The following DACH1 variants were observed in gnomAD, a reference collection of about 807,000 sequenced individuals.
DACH1 encodes the protein dachshund homolog 1.
Under a neutral mutation model 54.2 loss-of-function variants are expected in DACH1, and 12 were observed. The observed-to-expected ratio is 0.22, with a 90% CI of 0.14 to 0.36. The LOEUF (loss-of-function observed/expected upper bound fraction) is 0.36, where lower values mean the gene tolerates loss of function less well. Ranked by LOEUF, DACH1 falls within the 10% of genes least tolerant of loss-of-function variation. The pLI, the probability that DACH1 is intolerant of heterozygous loss-of-function variation, is 1.00. For missense variants in DACH1, 805 were observed against 929.8 expected (o/e 0.87, Z 1.75); for synonymous variants, 386 against 366.2 (o/e 1.05, Z -0.62).
Position 71,748,506 on chromosome 13 carries a change from T to C in DACH1, c.849-66596A>G, listed in dbSNP as rs576830231. Among the ~76,000 whole-genome samples, 22 of 152,310 alleles carry C rather than the reference T, an allele frequency of 1.4e-4. No homozygotes were observed. In the East Asian group the frequency reaches 4.3e-3, roughly 29 times the overall value. On this transcript the variant is annotated intron_variant, in intron 1 of 10. Transcript: ENST00000613252. ...GTCTGCTTGCTTCGCTAGAATGATA[T>C]TCCTGTTGCTTATTTTCCATCATCC...
At chr13:71,602,345 G>T (rs1009397726) in intron 3 of DACH1, among the ~76,000 whole-genome samples, 6 of 151,996 alleles carry the variant, frequency 3.9e-5, no homozygotes, top group African/African-American at 1.4e-4. Flanking sequence ...AAATCTGTGT[G>T]TGTTTTCTTT....
At chr13:71,731,946 G>A (rs1232442083) in intron 1 of DACH1, among the ~76,000 whole-genome samples, 1 of 152,192 alleles carries the variant, frequency 6.6e-6, no homozygotes, top group Non-Finnish European at 1.5e-5. Context: ...TTGAGCTTGA[G>A]AGTAGTCAAC....
At position 71,440,574 on chromosome 13, in the gene DACH1, A is replaced by G. The variant is rs1873926818; in HGVS notation, c.*81T>C. On this transcript the variant is annotated 3_prime_UTR_variant, in exon 11 of 11. Transcript: ENST00000613252. ...CAGGAAGTTCCCTTAAAAGGACTTT[A>G]TTTTTTTCTGAACTTTCCCATGACG... The G allele has an allele frequency of 8.7e-7, 1 of 1,152,764 alleles. No homozygotes were observed. Among genetic ancestry groups the G allele is most frequent in the African/African-American group, 1.6e-5 (1 of 62,322 alleles). 71.4% of individuals were successfully genotyped at this position (1,152,764 alleles called of 1,614,324 possible).
intron 1 of DACH1, among the ~76,000 whole-genome samples, chr13:71,764,207 T>C (rs1221965970): frequency 6.6e-6 from 1 of 152,114 alleles, no homozygotes; most frequent in Non-Finnish European, 1.5e-5. Flanking sequence ...ATTATAGGGA[T>C]TGGAAAACTT....
At chr13:71,798,971 T>G (rs948140491) in intron 1 of DACH1, among the ~76,000 whole-genome samples, 1 of 152,146 alleles carries the variant, frequency 6.6e-6, no homozygotes, top group Non-Finnish European at 1.5e-5. Context: ...GTAGCTTTTT[T>G]CCAACTGTTT....
In DACH1 at chr13:71,440,514, A is replaced by C; in HGVS notation, c.*141T>G. 1 of 618,386 alleles carries C rather than the reference A, an allele frequency of 1.6e-6. No individual in the cohort carries two copies. The highest frequency in any genetic ancestry group is 2.0e-5 in the African/African-American group (1 of 50,512). The allele number at this position is 618,386 out of a possible 1,614,324, so 38.3% of individuals were successfully genotyped here. Reference sequence around the variant, plus strand: ...AAAACTTTTTTTTTTTTTGTAGAATACTTAAACTTTTAAAGAACATTAATA... The same window carrying C: ...AAAACTTTTTTTTTTTTTGTAGAATCCTTAAACTTTTAAAGAACATTAATA... On this transcript the variant is annotated 3_prime_UTR_variant, in exon 11 of 11. Coordinates refer to ENST00000613252, the MANE Select transcript of DACH1 (RefSeq NM_080759.6).
At chr13:71,517,733 T>C (rs1881269321) in intron 6 of DACH1, among the ~76,000 whole-genome samples, 1 of 151,846 alleles carries the variant, frequency 6.6e-6, no homozygotes, top group Non-Finnish European at 1.5e-5. Flanking sequence ...CAACCAGAAG[T>C]CCTGAAGCAT....
intron 2 of DACH1, among the ~76,000 whole-genome samples, chr13:71,647,837 T>G (rs1408439123): frequency 6.6e-6 from 1 of 152,240 alleles, no homozygotes; most frequent in African/African-American, 2.4e-5. Context: ...GAAGCCCACT[T>G]ACTTTGCTAT....
At chr13:71,555,406 C>T (rs562470843) in intron 6 of DACH1, among the ~76,000 whole-genome samples, 6 of 151,768 alleles carry the variant, frequency 4.0e-5, no homozygotes, top group Admixed American at 3.9e-4. Flanking sequence ...TGCAGTGGCG[C>T]GATCTCGGCT....
intron 6 of DACH1, among the ~76,000 whole-genome samples, chr13:71,496,874 C>T (rs1180598883): frequency 6.6e-6 from 1 of 152,086 alleles, no homozygotes; most frequent in Non-Finnish European, 1.5e-5. Context: ...GGGAATAAAA[C>T]TTATTTCCTA....
At chr13:71,515,691 T>G (rs968138411) in intron 6 of DACH1, among the ~76,000 whole-genome samples, 1 of 151,856 alleles carries the variant, frequency 6.6e-6, no homozygotes, top group Admixed American at 6.6e-5. Flanking sequence ...TATTTCCCAT[T>G]TAGCTAGTGT....
At chr13:71,656,921 C>CATATAT (rs71123235) in intron 2 of DACH1, among the ~76,000 whole-genome samples, 26,496 of 82,966 alleles carry the variant, frequency 0.32, 4,643 homozygotes, top group Admixed American at 0.39. Flanking sequence ...GTTCTTCTTT[C>CATATAT]ATATATATAT....
chr13:71,656,953 C>A (rs1450481578), intron 2 of DACH1, among the ~76,000 whole-genome samples: 1 of 44,382 alleles, frequency 2.3e-5, no homozygotes, highest in Non-Finnish European at 5.3e-5. Flanking sequence ...TATATATGCG[C>A]ATATAAATAT....
intron 6 of DACH1, among the ~76,000 whole-genome samples, chr13:71,541,437 A>C (rs1356270219): frequency 6.6e-6 from 1 of 152,150 alleles, no homozygotes; most frequent in Non-Finnish European, 1.5e-5. Context: ...TATGCAAATA[A>C]ACTATGAAAC....
At chr13:71,498,238 G>C (rs1291142698) in intron 6 of DACH1, among the ~76,000 whole-genome samples, 1 of 152,102 alleles carries the variant, frequency 6.6e-6, no homozygotes, top group Non-Finnish European at 1.5e-5. Flanking sequence ...ATGAAAGTTG[G>C]GGACCACTCT....
At chr13:71,556,990 C>A (rs377382814) in intron 6 of DACH1, 34 bp downstream of exon 6, 3 of 1,538,530 alleles carry the variant, frequency 1.9e-6, no homozygotes, top group African/African-American at 2.8e-5. Flanking sequence ...TCTATTGAAT[C>A]GGGAAAAACA....
chr13:71,772,059 C>T (rs973878323), intron 1 of DACH1, among the ~76,000 whole-genome samples: 7 of 151,516 alleles, frequency 4.6e-5, no homozygotes, highest in African/African-American at 1.7e-4. Context: ...CTGAACTGTA[C>T]ATGTATTATT....
intron 10 of DACH1, among the ~76,000 whole-genome samples, chr13:71,469,331 T>C (rs1876866780): frequency 6.6e-6 from 1 of 152,122 alleles, no homozygotes; most frequent in South Asian, 2.1e-4. Context: ...AGGAAATTCA[T>C]TGAGTGACAG....
chr13:71,761,267 T>C (rs1490639284), intron 1 of DACH1, among the ~76,000 whole-genome samples: 1 of 152,152 alleles, frequency 6.6e-6, no homozygotes, highest in East Asian at 1.9e-4. Flanking sequence ...CCGGTAGTAG[T>C]CATTATATTT....
Sources: allele counts gnomAD v4.1 joint callset (sites outside exome capture counted in the v4.1 genomes callset), GRCh38; gene constraint gnomAD v4.1.1; transcripts MANE v1.5; gene names NCBI Gene and HGNC (gene_info 2026-07-23, HGNC 2026-07-21).